UGT1A7: variants seen among roughly 807,000 people sequenced by gnomAD.
The protein encoded by UGT1A7 is UDP glucuronosyltransferase family 1 member A7, also known as UDP-glucuronosyltransferase 1A7.
UGT1A7 carries 33 observed loss-of-function variants against 45.6 expected under a neutral mutation model. That is an observed-to-expected ratio of 0.72 (90% confidence interval 0.55 to 0.97). UGT1A7 has a LOEUF of 0.97. Ranked by LOEUF, UGT1A7 falls within the 50% of genes least tolerant of loss-of-function variation. The probability of loss-of-function intolerance (pLI) is 0.00; values close to 1 mark genes in which losing one functional copy is unlikely to be tolerated. For synonymous variants in UGT1A7, 274 were observed against 250.6 expected (o/e 1.09, Z -0.88); for missense variants, 684 against 666.2 (o/e 1.03, Z -0.29).
chr2:233,698,206 T>C (rs1373729225), intron 1 of UGT1A7, among the ~76,000 whole-genome samples: 1 of 152,228 alleles, frequency 6.6e-6, no homozygotes. Context: ...ACATGCACTT[T>C]TAATTATTAG....
At chr2:233,713,559 C>A (rs2076330071) in intron 1 of UGT1A7, 1 of 1,613,946 alleles carries the variant, frequency 6.2e-7, no homozygotes, top group Non-Finnish European at 8.5e-7. Context: ...GTGTCCAAAC[C>A]CTTCCTCCTA....
intron 1 of UGT1A7, among the ~76,000 whole-genome samples, chr2:233,703,067 G>A (rs28899181): frequency 1.3e-5 from 2 of 152,224 alleles, no homozygotes; most frequent in African/African-American, 4.8e-5. Flanking sequence ...TAGTGAAGCT[G>A]TCTGGGCCTA....
At chr2:233,743,741 G>T (rs374389189) in intron 1 of UGT1A7, 6 of 1,367,230 alleles carry the variant, frequency 4.4e-6, no homozygotes, top group Non-Finnish European at 4.9e-6. Flanking sequence ...GCGTTTCTTG[G>T]CGTCCGACAA....
intron 1 of UGT1A7, among the ~76,000 whole-genome samples, chr2:233,716,657 G>A (rs533610876): frequency 4.6e-5 from 7 of 152,220 alleles, no homozygotes; most frequent in Non-Finnish European, 7.4e-5. Flanking sequence ...TGTACCCTAA[G>A]GAAGCTTTGT....
At chr2:233,694,526 C>T (rs1490198137) in intron 1 of UGT1A7, among the ~76,000 whole-genome samples, 2 of 152,070 alleles carry the variant, frequency 1.3e-5, no homozygotes, top group Non-Finnish European at 2.9e-5. Context: ...AGGAAAAGGG[C>T]CCAGAGTTAC....
chr2:233,733,827 G>A (rs1305233298), intron 1 of UGT1A7, among the ~76,000 whole-genome samples: 1 of 152,118 alleles, frequency 6.6e-6, no homozygotes, highest in African/African-American at 2.4e-5. Flanking sequence ...CATAAAATGA[G>A]TTAGGGAGGA....
intron 1 of UGT1A7, among the ~76,000 whole-genome samples, chr2:233,699,942 G>A (rs1486156944): frequency 6.6e-6 from 1 of 152,228 alleles, no homozygotes; most frequent in African/African-American, 2.4e-5. Flanking sequence ...GTTGAAAGTT[G>A]TACAATGTGT....
At chr2:233,744,212 GTTGGGGAAAAGAGA>G (rs1383890849) in intron 1 of UGT1A7, among the ~76,000 whole-genome samples, 2 of 151,858 alleles carry the variant, frequency 1.3e-5, no homozygotes, top group Non-Finnish European at 2.9e-5. Flanking sequence ...GGAAAAAGAG[GTTGGGGAAAAGAGA>G]GGGCCTTGAC....
At chr2:233,760,485 G>T in intron 1 of UGT1A7, 2 of 1,614,228 alleles carry the variant, frequency 1.2e-6, no homozygotes, top group Non-Finnish European at 1.7e-6. Context: ...ACGCCTCGTT[G>T]TACATCAGAG....
chr2:233,760,254 G>C (rs1697373006), intron 1 of UGT1A7: 2 of 1,610,464 alleles, frequency 1.2e-6, no homozygotes, highest in South Asian at 2.2e-5. Flanking sequence ...ATATAAGTAG[G>C]AGAGGGCGAA....
At chr2:233,702,425 T>G (rs1292144360) in intron 1 of UGT1A7, among the ~76,000 whole-genome samples, 1 of 152,216 alleles carries the variant, frequency 6.6e-6, no homozygotes, top group East Asian at 1.9e-4. Flanking sequence ...GCGTTACTTC[T>G]TCCTTTCTAA....
intron 1 of UGT1A7, among the ~76,000 whole-genome samples, chr2:233,737,681 C>T (rs2125810058): frequency 6.6e-6 from 1 of 152,268 alleles, no homozygotes; most frequent in South Asian, 2.1e-4. Context: ...TCCTATTTGG[C>T]CATTGGTGCT....
chr2:233,768,376 A>G lies in UGT1A7; in HGVS notation c.1232A>G (p.Asn411Ser). The G allele has an allele frequency of 6.2e-7, 1 of 1,614,182 alleles. No homozygotes were observed. The highest frequency in any genetic ancestry group is 8.5e-7 in the Non-Finnish European group (1 of 1,180,034). ...ACTAAGGGAGCTGGAGTGACCCTGA[A>G]TGTTCTGGAAATGACTTCTGAAGAT... is the stretch of plus-strand genomic sequence containing the variant. ...METKGAGVTLNVLEMTSEDLE... is the reference protein window; with the variant it reads ...METKGAGVTLSVLEMTSEDLE... Residue 411 changes from asparagine (N) to serine (S), a missense_variant, in exon 4 of 5, where the codon AAT becomes AGT. Physicochemically the swap from Asn to Ser is conservative, Grantham distance 46 (BLOSUM62 1). Transcript: ENST00000373426.
intron 1 of UGT1A7, chr2:233,721,450 G>C (rs970104665): frequency 6.0e-6 from 1 of 165,414 alleles, no homozygotes; most frequent in South Asian, 1.7e-4. Flanking sequence ...GTTATAGTGA[G>C]CACCCAATAA....
chr2:233,761,935 G>A (rs1036526239), intron 1 of UGT1A7, among the ~76,000 whole-genome samples: 1 of 152,192 alleles, frequency 6.6e-6, no homozygotes, highest in African/African-American at 2.4e-5. Context: ...GCACTTCCCA[G>A]GTGCTGCGTC....
chr2:233,725,566 C>A (rs559123427), intron 1 of UGT1A7, among the ~76,000 whole-genome samples: 1 of 152,004 alleles, frequency 6.6e-6, no homozygotes, highest in East Asian at 1.9e-4. Flanking sequence ...AACATATATT[C>A]GATATAAGAT....
Position 233,772,271 on chromosome 2 carries a change from G to A in UGT1A7, c.1305G>A (p.Glu435=). The A allele has an allele frequency of 6.2e-7, 1 of 1,614,244 alleles. No individual in the cohort carries two copies. Among genetic ancestry groups the A allele is most frequent in the Non-Finnish European group, 8.5e-7 (1 of 1,180,050 alleles). Residue 435 remains glutamate, a synonymous_variant, in exon 5 of 5, where the codon GAG becomes GAA. Transcript: ENST00000373426. The stretch of plus-strand genomic sequence containing the variant: ...CTGTCTTTGTGTTTAGTTACAAGGA[G>A]AACATCATGCGCCTCTCCAGCCTTC... ...KAVINDKSYK[E]NIMRLSSLHK...
At position 233,761,104 on chromosome 2, in the gene UGT1A7, G is replaced by T. The variant is rs143072292; in HGVS notation, c.856-5930G>T. On this transcript the variant is annotated intron_variant, in intron 1 of 4. Transcript: ENST00000373426. Reference sequence around the variant, plus strand: ...CCCTAGGCCCATCATGCCCAATATGGTTTTTGTTGGTGGAATCAACTGCCT... The same window carrying T: ...CCCTAGGCCCATCATGCCCAATATGTTTTTTGTTGGTGGAATCAACTGCCT... 1.9e-6 allele frequency: 3 copies of T among 1,614,078 alleles called. No homozygotes were observed. In the African/African-American group the frequency reaches 4.0e-5, roughly 22 times the overall value.
intron 1 of UGT1A7, chr2:233,690,588 G>GAAA: frequency 6.2e-6 from 7 of 1,125,214 alleles, no homozygotes; most frequent in Admixed American, 5.3e-5. Context: ...CAATCCCTGA[G>GAAA]AAAAAAAAAA....
Sources: allele counts gnomAD v4.1 joint callset (sites outside exome capture counted in the v4.1 genomes callset), GRCh38; gene constraint gnomAD v4.1.1; transcripts MANE v1.5; gene names NCBI Gene and HGNC (gene_info 2026-07-23, HGNC 2026-07-21).